The following PCDHGB5 variants were observed in gnomAD, a reference collection of about 807,000 sequenced individuals.
The protein encoded by PCDHGB5 is protocadherin gamma-B5.
A neutral mutation model predicts 62.9 loss-of-function variants in PCDHGB5; 48 were observed. That is an observed-to-expected ratio of 0.76 (90% confidence interval 0.61 to 0.97). The LOEUF is 0.97. Among genes scored for constraint, PCDHGB5 ranks in the 50% least tolerant of loss-of-function variants. The pLI is 0.00. For synonymous variants in PCDHGB5, 474 were observed against 511.2 expected (o/e 0.93, Z 0.98); for missense variants, 1,118 against 1,198.6 (o/e 0.93, Z 0.99).
intron 1 of PCDHGB5, chr5:141,404,380 C>T (rs777340976): frequency 1.9e-6 from 3 of 1,613,916 alleles, no homozygotes; most frequent in Non-Finnish European, 2.5e-6. Context: ...CCGTGATTGC[C>T]TATGACCCTG....
chr5:141,509,447 C>T (rs898280593), intron 3 of PCDHGB5, among the ~76,000 whole-genome samples: 2 of 152,128 alleles, frequency 1.3e-5, no homozygotes, highest in Admixed American at 6.5e-5. Context: ...CCTCCTCTCC[C>T]ACCCCCGACC....
chr5:141,415,149 C>T, intron 1 of PCDHGB5: 1 of 1,613,796 alleles, frequency 6.2e-7, no homozygotes, highest in Middle Eastern at 1.6e-4. Context: ...AGCCCCCTCT[C>T]TCCGCCACTG....
chr5:141,405,010 CT>C (rs2094596164), intron 1 of PCDHGB5: 3 of 1,614,014 alleles, frequency 1.9e-6, no homozygotes, highest in Non-Finnish European at 2.5e-6. Context: ...ACCTGGAGGC[CT>C]CAGACCTTAC....
chr5:141,437,030 A>G (rs1246601314), intron 1 of PCDHGB5, among the ~76,000 whole-genome samples: 1 of 152,248 alleles, frequency 6.6e-6, no homozygotes, highest in Non-Finnish European at 1.5e-5. Context: ...CAGAAAATGG[A>G]TCACCGAAAC....
At chr5:141,415,754 T>TTTG (rs2095935149) in intron 1 of PCDHGB5, 3 of 1,385,710 alleles carry the variant, frequency 2.2e-6, no homozygotes, top group African/African-American at 1.5e-5. Context: ...TTTTTTTTTT[T>TTTG]TTTTTTTTTT....
chr5:141,416,169 TAA>T (rs1350204040), intron 1 of PCDHGB5: 1 of 152,706 alleles, frequency 6.5e-6, no homozygotes, highest in African/African-American at 2.4e-5. Flanking sequence ...TTGAATATAC[TAA>T]GTTTTTCATT....
rs1589336934 is a variant in PCDHGB5, at chr5:141,398,632, A to G, written c.505A>G (p.Lys169Glu). 4.3e-6 allele frequency: 7 copies of G among 1,613,946 alleles called. No homozygotes were observed. Among genetic ancestry groups the G allele is most frequent in the Non-Finnish European group, 5.1e-6 (6 of 1,179,908 alleles). ...AGATATTGGCTTAAACTCTCTGCAGAAGTATAAACTCTCTCTTAACCCAAG... is the reference window on the plus strand; with the variant it reads ...AGATATTGGCTTAAACTCTCTGCAGGAGTATAAACTCTCTCTTAACCCAAG... ...DADIGLNSLQ[K>E]YKLSLNPSFS... The change falls in exon 1 of 4, where the codon AAG becomes GAG. Residue 169 changes from lysine (K) to glutamate (E), a missense_variant. This residue lies in a region of PCDHGB5 where 1,034 missense variants were observed against 1,029.1 expected (regional missense o/e 1.00). Transcript: ENST00000617380.
intron 1 of PCDHGB5, among the ~76,000 whole-genome samples, chr5:141,450,649 G>A (rs2098689040): frequency 6.6e-6 from 1 of 151,674 alleles, no homozygotes; most frequent in African/African-American, 2.4e-5. Flanking sequence ...ACCATGCCTG[G>A]CTAATTTTTG....
intron 1 of PCDHGB5, among the ~76,000 whole-genome samples, chr5:141,461,148 A>G (rs1293565790): frequency 1.3e-5 from 2 of 152,090 alleles, no homozygotes; most frequent in Non-Finnish European, 2.9e-5. Context: ...CTTTGGGTAG[A>G]TACCCAATAG....
chr5:141,435,026 C>A (rs977017371), intron 1 of PCDHGB5, among the ~76,000 whole-genome samples: 4 of 151,978 alleles, frequency 2.6e-5, no homozygotes, highest in Non-Finnish European at 5.9e-5. Context: ...GCTCTTTTCC[C>A]ACTTTTATTT....
At position 141,486,038 on chromosome 5, in the gene PCDHGB5, G is replaced by T; in HGVS notation, c.2398-8769G>T. The stretch of plus-strand genomic sequence containing the variant: ...TTTCAGTGGTCATACCCCTGATCGT[G>T]TAAGAAACCTCTTTAGCCTGCACCC... On this transcript the variant is annotated intron_variant, in intron 1 of 3. Coordinates refer to ENST00000617380, the MANE Select transcript of PCDHGB5 (RefSeq NM_018925.3). This position sits in a 1 kb window ranked among gnomAD's most constrained non-coding sequence, Gnocchi z 5.0. The T allele has an allele frequency of 3.1e-6, 5 of 1,614,184 alleles. No individual in the cohort carries two copies. Among genetic ancestry groups the T allele is most frequent in the Non-Finnish European group, 4.2e-6 (5 of 1,180,018 alleles).
intron 1 of PCDHGB5, chr5:141,441,809 C>A: frequency 2.7e-6 from 1 of 373,176 alleles, no homozygotes; most frequent in East Asian, 9.0e-5. Context: ...GGGTGCTGTA[C>A]CCCAGCTCTG....
At chr5:141,506,191 C>T (rs932500250) in intron 3 of PCDHGB5, among the ~76,000 whole-genome samples, 8 of 152,182 alleles carry the variant, frequency 5.3e-5, no homozygotes, top group African/African-American at 1.9e-4. Flanking sequence ...TGGCTCACGC[C>T]TGTAATCCCA....
At chr5:141,483,907 C>A (rs545585133) in intron 1 of PCDHGB5, among the ~76,000 whole-genome samples, 1 of 151,240 alleles carries the variant, frequency 6.6e-6, no homozygotes, top group East Asian at 1.9e-4. Context: ...TGGTGTGTTT[C>A]CCACTCAGAT....
intron 1 of PCDHGB5, among the ~76,000 whole-genome samples, chr5:141,405,659 G>A (rs867774573): frequency 2.0e-5 from 3 of 152,106 alleles, no homozygotes; most frequent in Non-Finnish European, 4.4e-5. Flanking sequence ...TGTGTTTTTA[G>A]TAGAGACGGG....
At position 141,489,076 on chromosome 5, in the gene PCDHGB5, C is replaced by T. The variant is rs536134432; in HGVS notation, c.2398-5731C>T. The T allele has an allele frequency of 6.1e-6, 2 of 326,424 alleles. No individual in the cohort carries two copies. Among genetic ancestry groups the T allele is most frequent in the East Asian group, 5.8e-5 (1 of 17,220 alleles). 20.2% of individuals were successfully genotyped at this position (326,424 alleles called of 1,614,324 possible). On this transcript the variant is annotated intron_variant, in intron 1 of 3. Coordinates refer to ENST00000617380, the MANE Select transcript of PCDHGB5 (RefSeq NM_018925.3). The surrounding 1 kb of genome is among the most constrained non-coding windows in gnomAD (Gnocchi z 4.5). The stretch of plus-strand genomic sequence containing the variant: ...CAGCTCCCCTCCCCCCTGCCCACCC[C>T]CGCCACTCGGTGACTAAGAACTGCT...
intron 3 of PCDHGB5, among the ~76,000 whole-genome samples, chr5:141,507,673 G>A (rs184362608): frequency 6.6e-5 from 10 of 152,368 alleles, no homozygotes; most frequent in Admixed American, 2.6e-4. Context: ...AAATCCAGAT[G>A]TTAAAAACAG....
At chr5:141,417,913 T>C in intron 1 of PCDHGB5, 1 of 1,601,944 alleles carries the variant, frequency 6.2e-7, no homozygotes, top group Admixed American at 1.8e-5. Context: ...AGGTACTATT[T>C]CCTTTGCTGC....
chr5:141,438,764 C>T (rs963627140), intron 1 of PCDHGB5, among the ~76,000 whole-genome samples: 38 of 148,736 alleles, frequency 2.6e-4, no homozygotes, highest in African/African-American at 9.4e-4. Context: ...TGGGTTCAAG[C>T]GATTCTCCTG....
Sources: allele counts gnomAD v4.1 joint callset (sites outside exome capture counted in the v4.1 genomes callset), GRCh38; gene constraint gnomAD v4.1.1; regional missense constraint gnomAD v4.1.1; non-coding constraint Gnocchi (gnomAD v3.1); transcripts MANE v1.5; gene names NCBI Gene and HGNC (gene_info 2026-07-23, HGNC 2026-07-21).